CNTN5: variants seen among roughly 807,000 people sequenced by gnomAD.
The protein encoded by CNTN5 is contactin 5.
CNTN5 carries 77 observed loss-of-function variants against 129.1 expected under a neutral mutation model. The observed-to-expected ratio is 0.60, with a 90% CI of 0.50 to 0.72. The LOEUF is 0.72. CNTN5 is among the 30% of genes least tolerant of loss of function. CNTN5 has a pLI of 0.00. For missense variants in CNTN5, 1,478 were observed against 1,328.8 expected (o/e 1.11, Z -1.75); for synonymous variants, 509 against 465.6 (o/e 1.09, Z -1.20).
chr11:99,589,109 A>C (rs1949898381), intron 3 of CNTN5, among the ~76,000 whole-genome samples: 1 of 152,204 alleles, frequency 6.6e-6, no homozygotes, highest in Non-Finnish European at 1.5e-5. Context: ...GAAGTGCAGC[A>C]AATTGGTACA....
intron 7 of CNTN5, among the ~76,000 whole-genome samples, chr11:99,941,571 A>C (rs72992870): frequency 4.5e-4 from 66 of 148,312 alleles, no homozygotes; most frequent in South Asian, 1.1e-3. Context: ...ACATAAGACA[A>C]ACACACACAC....
intron 2 of CNTN5, among the ~76,000 whole-genome samples, chr11:99,454,034 T>A (rs1395268405): frequency 6.6e-6 from 1 of 152,138 alleles, no homozygotes; most frequent in Non-Finnish European, 1.5e-5. Context: ...AAATATGAAA[T>A]ACCCAGCTCT....
intron 5 of CNTN5, 25 bp downstream of exon 5, chr11:99,845,000 T>C: frequency 2.5e-6 from 4 of 1,611,614 alleles, no homozygotes; most frequent in African/African-American, 1.3e-5. Context: ...TTAATCATTT[T>C]TCTTAAGCCT....
chr11:99,968,576 G>A (rs1026848155), intron 8 of CNTN5, among the ~76,000 whole-genome samples: 2 of 149,654 alleles, frequency 1.3e-5, no homozygotes, highest in African/African-American at 4.9e-5. Flanking sequence ...ACTCAACAAT[G>A]GAATGTAGCA....
At chr11:99,727,511 C>T (rs1039147987) in intron 3 of CNTN5, among the ~76,000 whole-genome samples, 1 of 151,722 alleles carries the variant, frequency 6.6e-6, no homozygotes, top group Non-Finnish European at 1.5e-5. Context: ...TTATCCCATC[C>T]TTAATTGTTT....
intron 3 of CNTN5, among the ~76,000 whole-genome samples, chr11:99,786,418 G>A (rs1017392845): frequency 1.3e-5 from 2 of 151,550 alleles, no homozygotes; most frequent in East Asian, 2.1e-4. Context: ...CGCAAAAATG[G>A]CCACACCCCC....
chr11:99,892,526 G>C (rs1949090380), intron 6 of CNTN5, among the ~76,000 whole-genome samples: 1 of 152,142 alleles, frequency 6.6e-6, no homozygotes. Flanking sequence ...AAGGGGTCCA[G>C]TTTCAGTTTT....
intron 16 of CNTN5, among the ~76,000 whole-genome samples, chr11:100,231,446 T>C (rs192267340): frequency 1.6e-3 from 246 of 152,144 alleles, no homozygotes; most frequent in Non-Finnish European, 2.6e-3. Flanking sequence ...TTATGTAAAA[T>C]GAGAACGAGA....
chr11:99,985,193 G>C (rs1175943693), intron 8 of CNTN5, among the ~76,000 whole-genome samples: 1 of 152,110 alleles, frequency 6.6e-6, no homozygotes, highest in Admixed American at 6.5e-5. Flanking sequence ...TTGGGTCCCT[G>C]TACTCGGTGG....
intron 13 of CNTN5, among the ~76,000 whole-genome samples, chr11:100,175,228 A>G (rs1947927871): frequency 6.6e-6 from 1 of 152,060 alleles, no homozygotes; most frequent in Admixed American, 6.6e-5. Flanking sequence ...GGAATCCAGC[A>G]GGTCTACTTT....
intron 1 of CNTN5, among the ~76,000 whole-genome samples, chr11:99,261,777 G>A (rs116822717): frequency 0.011 from 1,638 of 152,074 alleles, 33 homozygotes; most frequent in African/African-American, 0.037. Flanking sequence ...TACATCTAGA[G>A]TGACTTACAC....
At chr11:100,278,696 G>C (rs932431784) in intron 18 of CNTN5, among the ~76,000 whole-genome samples, 3 of 151,892 alleles carry the variant, frequency 2.0e-5, no homozygotes, top group Non-Finnish European at 4.4e-5. Flanking sequence ...AGTTCTAATT[G>C]TTTTTTGATG....
intron 1 of CNTN5, among the ~76,000 whole-genome samples, chr11:99,204,164 A>C (rs1859356477): frequency 6.6e-6 from 1 of 152,234 alleles, no homozygotes. Flanking sequence ...TTGTTCATGC[A>C]AAGGTAATCG....
chr11:99,513,165 C>G (rs901473878), intron 2 of CNTN5, among the ~76,000 whole-genome samples: 1 of 152,168 alleles, frequency 6.6e-6, no homozygotes, highest in Non-Finnish European at 1.5e-5. Context: ...CCAGCCACAA[C>G]ATTCCCTTTT....
intron 6 of CNTN5, among the ~76,000 whole-genome samples, chr11:99,849,535 G>T (rs1268903162): frequency 6.6e-6 from 1 of 152,002 alleles, no homozygotes; most frequent in Non-Finnish European, 1.5e-5. Flanking sequence ...TTTTCAATGA[G>T]TGTAATGTCA....
chr11:99,277,611 C>A lies in CNTN5; in HGVS notation c.-209-47735C>A, dbSNP rs763343601. Among the ~76,000 whole-genome samples the A allele has an allele frequency of 9.6e-4, 146 of 151,588 alleles. 3 individuals are homozygous for A. Among genetic ancestry groups the A allele is most frequent in the Non-Finnish European group, 1.8e-4 (12 of 67,784 alleles). Reference sequence around the variant, plus strand: ...AGAGACGTGTTTCTTTTTTTATCCTCTCATTTCAAATATGTACCATTTTTG... The same window carrying A: ...AGAGACGTGTTTCTTTTTTTATCCTATCATTTCAAATATGTACCATTTTTG... On this transcript the variant is annotated intron_variant, in intron 1 of 24. Coordinates refer to ENST00000524871, the MANE Select transcript of CNTN5 (RefSeq NM_014361.4).
At chr11:99,332,556 C>T (rs1222330160) in intron 2 of CNTN5, among the ~76,000 whole-genome samples, 5 of 151,990 alleles carry the variant, frequency 3.3e-5, no homozygotes, top group Non-Finnish European at 7.4e-5. Context: ...ATACATACGC[C>T]TGTTTTATTT....
chr11:100,000,340 A>G (rs918767127), intron 8 of CNTN5, among the ~76,000 whole-genome samples: 3 of 152,178 alleles, frequency 2.0e-5, no homozygotes, highest in African/African-American at 4.8e-5. Context: ...CAAAGAGGCC[A>G]CAGGCCACAT....
At position 99,284,968 on chromosome 11, in the gene CNTN5, A is replaced by G. The variant is rs192615664; in HGVS notation, c.-209-40378A>G. Among the ~76,000 whole-genome samples, 747 of 151,680 alleles carry G rather than the reference A, an allele frequency of 4.9e-3. 3 individuals are homozygous for G. Among genetic ancestry groups the G allele is most frequent in the Admixed American group, 7.5e-3 (114 of 15,202 alleles). On this transcript the variant is annotated intron_variant, in intron 1 of 24. Coordinates refer to ENST00000524871, the MANE Select transcript of CNTN5 (RefSeq NM_014361.4). Reference sequence around the variant, plus strand: ...ATTCATCGTTAAAAATATATCGGACACTTTTTGCTTGGATTGCTATATATG... The same window carrying G: ...ATTCATCGTTAAAAATATATCGGACGCTTTTTGCTTGGATTGCTATATATG...
Sources: allele counts gnomAD v4.1 joint callset (sites outside exome capture counted in the v4.1 genomes callset), GRCh38; gene constraint gnomAD v4.1.1; transcripts MANE v1.5; gene names NCBI Gene and HGNC (gene_info 2026-07-23, HGNC 2026-07-21).